Variants in ACSS1 observed in about 807,000 individuals in gnomAD.
ACSS1 encodes acetyl-coenzyme A synthetase 2-like, mitochondrial.
A neutral mutation model predicts 75.3 loss-of-function variants in ACSS1; 42 were observed. The ratio of observed to expected loss-of-function variants is 0.56; its 90% confidence interval spans 0.44 to 0.72. The LOEUF (loss-of-function observed/expected upper bound fraction) is 0.72. Among genes scored for constraint, ACSS1 ranks in the 30% least tolerant of loss-of-function variants. The pLI is 0.00. For missense variants in ACSS1, 782 were observed against 935.7 expected, an observed-to-expected ratio of 0.84 and a Z score of 2.14; for synonymous variants, 380 against 376.8, an observed-to-expected ratio of 1.01 and a Z score of -0.10.
chr20:25,046,775 G>A, intron 2 of ACSS1: 1 of 779,442 alleles, frequency 1.3e-6, no homozygotes, highest in South Asian at 1.3e-5. Flanking sequence ...GTGTGCAGGG[G>A]CCACCTGGGG....
At chr20:25,036,278 G>T (rs957532523) in intron 2 of ACSS1, among the ~76,000 whole-genome samples, 2 of 152,124 alleles carry the variant, frequency 1.3e-5, no homozygotes. Flanking sequence ...CTAGGAAAAC[G>T]CTGACTGGCC....
chr20:25,010,479 T>C, intron 12 of ACSS1: 1 of 152,394 alleles, frequency 6.6e-6, no homozygotes, highest in Non-Finnish European at 1.5e-5. Context: ...ACCTACAGCC[T>C]TTGCCTGAAA....
intron 2 of ACSS1, among the ~76,000 whole-genome samples, chr20:25,037,459 C>T (rs1180039373): frequency 1.3e-5 from 2 of 152,204 alleles, no homozygotes; most frequent in Non-Finnish European, 2.9e-5. Flanking sequence ...TCATTTTCTT[C>T]TGCCAATAAG....
rs775701060 is a variant in ACSS1, at chr20:25,055,707, G to A, written c.334+2062C>T. 2.4e-4 allele frequency among the ~76,000 whole-genome samples: 37 copies of A among 152,326 alleles called. 1 individual carries two copies. The highest frequency in any genetic ancestry group is 7.2e-4 in the Admixed American group (11 of 15,300). On this transcript the variant is annotated intron_variant, in intron 1 of 13. Coordinates refer to ENST00000323482, the MANE Select transcript of ACSS1 (RefSeq NM_032501.4). ...GATGCTGCAGGTCTGAAGACCATGCGTTGAGAACCACTGGTATTCTTGAGG... is the reference window on the plus strand; with the variant it reads ...GATGCTGCAGGTCTGAAGACCATGCATTGAGAACCACTGGTATTCTTGAGG...
chr20:25,006,480 C>A lies in ACSS1; in HGVS notation c.*1282G>T. 4.6e-6 allele frequency: 1 copy of A among 216,900 alleles called. No homozygotes were observed. The allele number at this position is 216,900 out of a possible 1,614,324, so 13.4% of individuals were successfully genotyped here. On this transcript the variant is annotated 3_prime_UTR_variant, in exon 14 of 14. Transcript: ENST00000323482. ...ACCTCCTGGGCTTCACAGGTTCACT[C>A]ACCCAAGAGGCCAGCACAACCACGA... is the stretch of plus-strand genomic sequence containing the variant.
chr20:25,015,097 C>A, intron 8 of ACSS1, 41 bp downstream of exon 8: 1 of 1,565,704 alleles, frequency 6.4e-7, no homozygotes, highest in Non-Finnish European at 8.7e-7. Context: ...ACCCTGCAGA[C>A]CCAGCACTTA....
At chr20:25,032,434 C>T in intron 2 of ACSS1, 1 of 1,390,114 alleles carries the variant, frequency 7.2e-7, no homozygotes, top group South Asian at 1.7e-5. Flanking sequence ...TTCGGCGCCT[C>T]ATCCCTCTGA....
chr20:25,007,615 A>G lies in ACSS1; in HGVS notation c.*147T>C, dbSNP rs1272450706. ...GGATGGGAGAAAGGGCTCTCAGCCC[A>G]GCTTCACGTGAGGGCGGTGTGGGTC... On this transcript the variant is annotated 3_prime_UTR_variant, in exon 14 of 14. Coordinates refer to ENST00000323482, the MANE Select transcript of ACSS1 (RefSeq NM_032501.4). 12 of 1,492,504 alleles carry G rather than the reference A, an allele frequency of 8.0e-6. No homozygotes were observed. Among genetic ancestry groups the G allele is most frequent in the Admixed American group, 2.3e-5 (1 of 42,952 alleles). The allele number at this position is 1,492,504 out of a possible 1,614,324, so 92.5% of individuals were successfully genotyped here. A position where few individuals can be genotyped will look rare whatever the true frequency, so the allele number is the denominator to read the frequency against.
chr20:25,037,560 C>T (rs1041488078), intron 2 of ACSS1, among the ~76,000 whole-genome samples: 3 of 152,174 alleles, frequency 2.0e-5, no homozygotes, highest in Non-Finnish European at 2.9e-5. Flanking sequence ...CTCCAAGCAC[C>T]GGTGCTGATG....
At chr20:25,016,720 C>T (rs954277635) in intron 7 of ACSS1, among the ~76,000 whole-genome samples, 5 of 152,244 alleles carry the variant, frequency 3.3e-5, no homozygotes, top group East Asian at 1.9e-4. Flanking sequence ...TGGGAGACTG[C>T]GACAGCCTGC....
chr20:25,031,271 A>C, intron 2 of ACSS1: 2 of 407,792 alleles, frequency 4.9e-6, no homozygotes, highest in Non-Finnish European at 4.6e-6. Flanking sequence ...CCATTTTAGA[A>C]TCAATTCCAT....
chr20:25,024,209 C>T (rs748878876), intron 3 of ACSS1, among the ~76,000 whole-genome samples: 1 of 152,216 alleles, frequency 6.6e-6, no homozygotes, highest in Non-Finnish European at 1.5e-5. Context: ...GAAGGCCCTC[C>T]TGATCCCACA....
intron 1 of ACSS1, among the ~76,000 whole-genome samples, chr20:25,050,310 C>T (rs1210046995): frequency 6.6e-6 from 1 of 152,126 alleles, no homozygotes; most frequent in Non-Finnish European, 1.5e-5. Context: ...CGCTGCCTGC[C>T]TGTCACCTCC....
chr20:25,022,955 G>T lies in ACSS1; in HGVS notation c.945C>A (p.Ala315=). The part of the protein sequence containing the change: ...VHTQAGYLLY[A]ALTHKLVFDH... ...AGGCCTGTACCTTGTGAGTCAGGGC[G>T]GCATAGAGCAGGTAGCCTGCCTGGG... The change falls in exon 5 of 14, where the codon GCC becomes GCA. Residue 315 remains alanine, a synonymous_variant. Coordinates refer to ENST00000323482, the MANE Select transcript of ACSS1 (RefSeq NM_032501.4). The T allele has an allele frequency of 8.1e-6, 13 of 1,613,348 alleles. No homozygotes were observed. The highest frequency in any genetic ancestry group is 1.1e-5 in the Non-Finnish European group (13 of 1,179,816).
At position 25,012,978 on chromosome 20, in the gene ACSS1, AG is replaced by A. The variant is rs2088440194; in HGVS notation, c.1580-40del. 6 of 1,613,480 alleles carry A rather than the reference AG, an allele frequency of 3.7e-6. No homozygotes were observed. In the East Asian group the frequency reaches 1.3e-4, roughly 36 times the overall value. Reference sequence around the variant, plus strand: ...GGGAAATTCAGCACCAGGAACCCTGAGCCAGGACCCATGTCCCAACCTCAGT... The same window carrying A: ...GGGAAATTCAGCACCAGGAACCCTGACCAGGACCCATGTCCCAACCTCAGT... On this transcript the variant is annotated intron_variant, in intron 10 of 13. Transcript: ENST00000323482.
At chr20:25,041,927 A>T (rs6115011) in intron 2 of ACSS1, among the ~76,000 whole-genome samples, 17,763 of 152,068 alleles carry the variant, frequency 0.12, 1,105 homozygotes, top group Middle Eastern at 0.14. Context: ...AGGACGCCAG[A>T]CTCCATTCGA....
intron 2 of ACSS1, among the ~76,000 whole-genome samples, chr20:25,041,449 C>T (rs945000897): frequency 9.2e-5 from 14 of 152,286 alleles, no homozygotes; most frequent in Middle Eastern, 3.4e-3. Flanking sequence ...CATAAGGCCA[C>T]GGGCTGAGAG....
At chr20:25,032,264 C>T in intron 2 of ACSS1, 1 of 1,054,694 alleles carries the variant, frequency 9.5e-7, no homozygotes, top group Non-Finnish European at 1.2e-6. Flanking sequence ...TCTCTCTGGG[C>T]AAGCTGATTG....
rs761710124 is a variant in ACSS1, at chr20:25,030,848, G to C, written c.542C>G (p.Ala181Gly). 155 of 1,614,074 alleles carry C rather than the reference G, an allele frequency of 9.6e-5. No homozygotes were observed. The highest frequency in any genetic ancestry group is 1.3e-4 in the Non-Finnish European group (153 of 1,180,056). The change falls in exon 3 of 14, where the codon GCA becomes GGA. Residue 181 changes from alanine (A) to glycine (G), a missense_variant. Physicochemically the swap from Ala to Gly is moderately conservative, Grantham distance 60. This residue lies in a region of ACSS1 where 377 missense variants were observed against 383.1 expected (regional missense o/e 0.98). Transcript: ENST00000323482. Reference sequence around the variant, plus strand: ...TCCGATCCTGGCACAGGCCAGCATTGCTGCCACAGCCAATGGGGACACGGG... The same window carrying C: ...TCCGATCCTGGCACAGGCCAGCATTCCTGCCACAGCCAATGGGGACACGGG... ...YMPVSPLAVA[A>G]MLACARIGAV...
Sources: allele counts gnomAD v4.1 joint callset (sites outside exome capture counted in the v4.1 genomes callset), GRCh38; gene constraint gnomAD v4.1.1; regional missense constraint gnomAD v4.1.1; transcripts MANE v1.5; gene names NCBI Gene and HGNC (gene_info 2026-07-23, HGNC 2026-07-21).